Variants in TTC7B observed in about 807,000 individuals in gnomAD.
The protein encoded by TTC7B is tetratricopeptide repeat domain 7B.
Under a neutral mutation model 106.8 loss-of-function variants are expected in TTC7B, and 28 were observed. The observed-to-expected ratio is 0.26, with a 90% CI of 0.19 to 0.36. The LOEUF is 0.36. Among genes scored for constraint, TTC7B ranks in the 10% least tolerant of loss-of-function variants. The pLI is 1.00. For missense variants in TTC7B, 862 were observed against 1,076.4 expected (o/e 0.80, Z 2.79); for synonymous variants, 405 against 430.6 (o/e 0.94, Z 0.74).
intron 16 of TTC7B, among the ~76,000 whole-genome samples, chr14:90,611,075 T>A (rs1462802455): frequency 6.6e-6 from 1 of 152,182 alleles, no homozygotes; most frequent in African/African-American, 2.4e-5. Context: ...CCCTGGCTAA[T>A]TTTGGCCTCT....
chr14:90,656,219 C>G (rs1885940908), intron 11 of TTC7B, among the ~76,000 whole-genome samples: 1 of 152,204 alleles, frequency 6.6e-6, no homozygotes, highest in South Asian at 2.1e-4. Context: ...GGTGAGAATA[C>G]ATGGAAAAAC....
chr14:90,674,321 A>G (rs902261337), intron 9 of TTC7B, among the ~76,000 whole-genome samples: 1 of 152,222 alleles, frequency 6.6e-6, no homozygotes, highest in Non-Finnish European at 1.5e-5. Flanking sequence ...GAGCTATCCA[A>G]CCATGGGCCA....
intron 5 of TTC7B, among the ~76,000 whole-genome samples, chr14:90,728,900 A>G (rs1414548519): frequency 6.6e-6 from 1 of 152,208 alleles, no homozygotes; most frequent in Non-Finnish European, 1.5e-5. Flanking sequence ...AAAATATTCC[A>G]TGTTCCCTCT....
chr14:90,585,854 C>T (rs1461249378), intron 18 of TTC7B: 1 of 152,356 alleles, frequency 6.6e-6, no homozygotes, highest in African/African-American at 2.4e-5. Context: ...AGATGGCATC[C>T]ATCTCCACCA....
chr14:90,594,502 G>A (rs1485626193), intron 17 of TTC7B, among the ~76,000 whole-genome samples: 1 of 152,110 alleles, frequency 6.6e-6, no homozygotes, highest in African/African-American at 2.4e-5. Flanking sequence ...TGGAGATGTG[G>A]TTTTAGAATC....
At chr14:90,584,399 C>T (rs994498642) in intron 18 of TTC7B, among the ~76,000 whole-genome samples, 3 of 152,194 alleles carry the variant, frequency 2.0e-5, no homozygotes, top group Admixed American at 6.5e-5. Context: ...CTTGGCTGTG[C>T]GGGGTGTGCA....
rs529163165 is a variant in TTC7B at position 90,534,886 on chromosome 14, G to A, written c.*6482C>T. 1 of 152,642 alleles carries A rather than the reference G, an allele frequency of 6.6e-6. No homozygotes were observed. The highest frequency in any genetic ancestry group is 6.5e-5 in the Admixed American group (1 of 15,316). 9.5% of individuals were successfully genotyped at this position (152,642 alleles called of 1,614,324 possible). The stretch of plus-strand genomic sequence containing the variant: ...ATGGGGAGGGTGCCTGCAAAGGGGG[G>A]ACTTCCTGCAGGCAGAGAGTCTGGG... On this transcript the variant is annotated 3_prime_UTR_variant, in exon 20 of 20. Transcript: ENST00000328459.
At chr14:90,676,325 T>C in intron 9 of TTC7B, 198 bp downstream of exon 9, 1 of 477,296 alleles carries the variant, frequency 2.1e-6, no homozygotes, top group Non-Finnish European at 3.7e-6. Context: ...GGTAAAAGAC[T>C]AGATCAATTC....
chr14:90,606,521 AT>A (rs1299367246), intron 17 of TTC7B, among the ~76,000 whole-genome samples: 1 of 152,156 alleles, frequency 6.6e-6, no homozygotes, highest in African/African-American at 2.4e-5. Flanking sequence ...GGAATAAAAT[AT>A]TTTTTTCATT....
intron 17 of TTC7B, chr14:90,605,477 A>G (rs1892599958): frequency 5.5e-6 from 5 of 909,484 alleles, no homozygotes; most frequent in African/African-American, 1.8e-5. Context: ...TCAAATGAGC[A>G]AGATTTCTCT....
intron 3 of TTC7B, among the ~76,000 whole-genome samples, chr14:90,764,577 T>G (rs1566876328): frequency 6.6e-6 from 1 of 152,134 alleles, no homozygotes; most frequent in Non-Finnish European, 1.5e-5. Context: ...AAAGAAATTA[T>G]ATTTAGGATA....
Position 90,685,064 on chromosome 14 carries a change from C to T in TTC7B, c.950+4476G>A, listed in dbSNP as rs77387877. Among the ~76,000 whole-genome samples, 150 of 152,260 alleles carry T rather than the reference C, an allele frequency of 9.9e-4. 3 individuals carry two copies. The East Asian group carries it at 0.025, about 25-fold the overall frequency. ...GAGTGAGCATCCTGTATGCATTTCA[C>T]GTTCAGGTCTCTTTGACCTGGGGTG... On this transcript the variant is annotated intron_variant, in intron 7 of 19. Coordinates refer to ENST00000328459, the MANE Select transcript of TTC7B (RefSeq NM_001010854.2).
intron 5 of TTC7B, among the ~76,000 whole-genome samples, chr14:90,725,394 A>T (rs947743313): frequency 3.4e-5 from 5 of 147,990 alleles, no homozygotes; most frequent in African/African-American, 1.2e-4. Flanking sequence ...CCTCCTCAGC[A>T]GCCCATAGGA....
chr14:90,528,495 C>T lies in TTC7B; in HGVS notation c.*12873G>A, dbSNP rs900868684. ...TTGTTACCTGTTTCCGACGGTGTGA[C>T]CCGAGTGCGCTTCGTTACCCGTTTC... On this transcript the variant is annotated 3_prime_UTR_variant, in exon 20 of 20. Transcript: ENST00000328459. 1.4e-4 allele frequency: 21 copies of T among 153,202 alleles called. No homozygotes were observed. Among genetic ancestry groups the T allele is most frequent in the African/African-American group, 5.1e-4 (21 of 41,584 alleles). The allele number at this position is 153,202 out of a possible 1,614,324, so 9.5% of individuals were successfully genotyped here. A position where few individuals can be genotyped will look rare whatever the true frequency, so the allele number is the denominator to read the frequency against.
chr14:90,592,822 C>A (rs530005686), intron 18 of TTC7B, among the ~76,000 whole-genome samples: 2 of 152,292 alleles, frequency 1.3e-5, no homozygotes, highest in South Asian at 2.1e-4. Context: ...CTCATGCCCC[C>A]CTTCCGGGCC....
intron 9 of TTC7B, among the ~76,000 whole-genome samples, chr14:90,674,740 T>C (rs1025511189): frequency 6.6e-6 from 1 of 152,216 alleles, no homozygotes; most frequent in Non-Finnish European, 1.5e-5. Flanking sequence ...AACACAGATA[T>C]GGTATAAAAT....
intron 17 of TTC7B, among the ~76,000 whole-genome samples, chr14:90,604,554 T>C (rs1892563592): frequency 6.6e-6 from 1 of 152,166 alleles, no homozygotes; most frequent in Non-Finnish European, 1.5e-5. Context: ...ATATGCACAT[T>C]AGAGATAGTG....
chr14:90,793,851 G>T (rs983321188), intron 1 of TTC7B, among the ~76,000 whole-genome samples: 3 of 150,026 alleles, frequency 2.0e-5, no homozygotes, highest in African/African-American at 7.4e-5. Flanking sequence ...CAGGTGATCC[G>T]CCCGCCTCGG....
chr14:90,720,077 T>C (rs11849073), intron 5 of TTC7B, among the ~76,000 whole-genome samples: 16,021 of 151,696 alleles, frequency 0.11, 1,382 homozygotes, highest in African/African-American at 0.24. Flanking sequence ...GTATTTTACG[T>C]GTGGCCCAAG....
Sources: gnomAD v4.1 joint callset for allele counts (sites outside exome capture counted in the v4.1 genomes callset) on GRCh38, gnomAD v4.1.1 for gene constraint, MANE v1.5 for transcripts, NCBI Gene and HGNC (gene_info 2026-07-23, HGNC 2026-07-21) for gene names.